Variants in DNER observed in about 807,000 individuals in gnomAD.
DNER encodes the protein delta and Notch-like epidermal growth factor-related receptor.
In DNER, 33 loss-of-function variants were observed where a neutral mutation model predicts 78.2. The ratio of observed to expected loss-of-function variants is 0.42; its 90% CI spans 0.32 to 0.56. The LOEUF is 0.56. Among genes scored for constraint, DNER ranks in the 20% least tolerant of loss-of-function variants. The pLI, the probability that DNER is intolerant of heterozygous loss-of-function variation, is 0.11. For synonymous variants in DNER, 417 were observed against 384.8 expected (o/e 1.08, Z -0.98); for missense variants, 918 against 975.3 (o/e 0.94, Z 0.78).
At chr2:229,640,082 G>T (rs116241756) in intron 1 of DNER, among the ~76,000 whole-genome samples, 9 of 152,178 alleles carry the variant, frequency 5.9e-5, no homozygotes, top group African/African-American at 2.2e-4. Context: ...CAGCTTACAG[G>T]AGTACTTGTC....
chr2:229,483,095 T>C (rs1045117727), intron 6 of DNER, among the ~76,000 whole-genome samples: 4 of 152,184 alleles, frequency 2.6e-5, no homozygotes, highest in Non-Finnish European at 5.9e-5. Context: ...AGTTTCCTGT[T>C]GGATGGCAAT....
intron 1 of DNER, among the ~76,000 whole-genome samples, chr2:229,617,829 G>T (rs1698192059): frequency 6.6e-6 from 1 of 152,020 alleles, no homozygotes; most frequent in Non-Finnish European, 1.5e-5. Context: ...GCACACACCT[G>T]TGGTCCCAGC....
At chr2:229,625,926 TG>T (rs1480220440) in intron 1 of DNER, among the ~76,000 whole-genome samples, 58 of 149,896 alleles carry the variant, frequency 3.9e-4, no homozygotes, top group African/African-American at 1.4e-3. Flanking sequence ...GTTTGTTTTT[TG>T]TTTTTTTTTT....
intron 12 of DNER, among the ~76,000 whole-genome samples, chr2:229,364,154 G>T (rs988942615): frequency 2.6e-5 from 4 of 151,634 alleles, no homozygotes; most frequent in Non-Finnish European, 5.9e-5. Context: ...TGAGCCACAT[G>T]CCTGGCCTCC....
rs1699962924 is a variant in DNER, at chr2:229,714,406, G to A, written c.18C>T (p.Ala6=). MQPRR[A]QAPGAQLLPA... is the part of the protein sequence containing the mutation. ...GCAGCAGCTGCGCACCGGGCGCCTG[G>A]GCGCGGCGGGGCTGCATGGCCGGCC... The change falls in exon 1 of 13, where the codon GCC becomes GCT. Residue 6 remains alanine (A), a synonymous_variant. Coordinates refer to ENST00000341772, the MANE Select transcript of DNER (RefSeq NM_139072.4). 2 of 1,164,568 alleles carry A rather than the reference G, an allele frequency of 1.7e-6. No individual in the cohort carries two copies. The highest frequency in any genetic ancestry group is 1.6e-5 in the African/African-American group (1 of 61,452). 72.1% of individuals were successfully genotyped at this position (1,164,568 alleles called of 1,614,324 possible).
chr2:229,688,114 A>G (rs1699516243), intron 1 of DNER, among the ~76,000 whole-genome samples: 1 of 152,344 alleles, frequency 6.6e-6, no homozygotes, highest in Admixed American at 6.5e-5. Context: ...GAGAAGTACA[A>G]TCGGGGTGTT....
chr2:229,430,948 C>G (rs1444585984), intron 8 of DNER, among the ~76,000 whole-genome samples: 1 of 151,860 alleles, frequency 6.6e-6, no homozygotes, highest in Non-Finnish European at 1.5e-5. Flanking sequence ...AGGGAAAAGA[C>G]TAGACTTATT....
In DNER at chr2:229,517,303, C is replaced by T. The variant is rs77428154; in HGVS notation, c.994-4367G>A. Among the ~76,000 whole-genome samples, 1,036 of 152,078 alleles carry T rather than the reference C, an allele frequency of 6.8e-3. 15 individuals are homozygous for T. The highest frequency in any genetic ancestry group is 0.024 in the African/African-American group (997 of 41,458). On this transcript the variant is annotated intron_variant, in intron 5 of 12. Coordinates refer to ENST00000341772, the MANE Select transcript of DNER (RefSeq NM_139072.4). The stretch of plus-strand genomic sequence containing the variant: ...TCTCCTGGGGTTTATATTCTAGTAG[C>T]GTTGACTGACAATGAATAAAATGAA...
chr2:229,468,402 A>G (rs1694850401), intron 7 of DNER, among the ~76,000 whole-genome samples: 4 of 152,082 alleles, frequency 2.6e-5, no homozygotes, highest in Non-Finnish European at 5.9e-5. Flanking sequence ...ACTATTGTAA[A>G]ACCTAACATC....
At chr2:229,584,027 A>G (rs1233480580) in intron 4 of DNER, among the ~76,000 whole-genome samples, 6 of 152,244 alleles carry the variant, frequency 3.9e-5, no homozygotes, top group Non-Finnish European at 7.3e-5. Flanking sequence ...CATAAAGTGC[A>G]ATATAAATTA....
At chr2:229,415,357 A>C (rs966150785) in intron 9 of DNER, among the ~76,000 whole-genome samples, 2 of 152,190 alleles carry the variant, frequency 1.3e-5, no homozygotes, top group Admixed American at 1.3e-4. Context: ...CAGTCAGTCA[A>C]TACCTGGCTT....
intron 5 of DNER, among the ~76,000 whole-genome samples, chr2:229,532,886 T>G (rs1400699591): frequency 1.3e-5 from 2 of 152,136 alleles, no homozygotes; most frequent in African/African-American, 4.8e-5. Context: ...GGAGAGAAAG[T>G]GCCTTGGGAA....
At chr2:229,507,158 G>A (rs1695761216) in intron 6 of DNER, among the ~76,000 whole-genome samples, 2 of 152,148 alleles carry the variant, frequency 1.3e-5, no homozygotes, top group African/African-American at 4.8e-5. Flanking sequence ...GTAATCTTAT[G>A]GCACATCATT....
intron 11 of DNER, among the ~76,000 whole-genome samples, chr2:229,372,470 G>C (rs1692506736): frequency 6.6e-6 from 1 of 152,218 alleles, no homozygotes; most frequent in South Asian, 2.1e-4. Flanking sequence ...GGAGGGGGGT[G>C]AGGGAGAAGA....
intron 4 of DNER, among the ~76,000 whole-genome samples, chr2:229,566,011 C>T (rs1697099174): frequency 6.6e-6 from 1 of 152,116 alleles, no homozygotes; most frequent in African/African-American, 2.4e-5. Context: ...CATTAATACT[C>T]AATGAATGCC....
chr2:229,496,702 G>A (rs1695510105), intron 6 of DNER, among the ~76,000 whole-genome samples: 1 of 152,092 alleles, frequency 6.6e-6, no homozygotes, highest in East Asian at 1.9e-4. Context: ...TGTAAAAAGA[G>A]GCAAAGATGG....
At chr2:229,526,269 C>T (rs1212218778) in intron 5 of DNER, among the ~76,000 whole-genome samples, 1 of 152,178 alleles carries the variant, frequency 6.6e-6, no homozygotes, top group African/African-American at 2.4e-5. Context: ...CTGCATACGA[C>T]TTTGAATTTA....
chr2:229,520,413 C>T (rs976159139), intron 5 of DNER, among the ~76,000 whole-genome samples: 9 of 152,164 alleles, frequency 5.9e-5, no homozygotes, highest in Non-Finnish European at 1.2e-4. Context: ...CTAAAGGACC[C>T]CCCAGGCCAA....
At chr2:229,642,961 T>C (rs1336354638) in intron 1 of DNER, among the ~76,000 whole-genome samples, 1 of 152,156 alleles carries the variant, frequency 6.6e-6, no homozygotes, top group Admixed American at 6.5e-5. Context: ...CAGTGGCTCA[T>C]GACTGCAGGC....
Sources: allele counts gnomAD v4.1 joint callset (sites outside exome capture counted in the v4.1 genomes callset), GRCh38; gene constraint gnomAD v4.1.1; transcripts MANE v1.5; gene names NCBI Gene and HGNC (gene_info 2026-07-23, HGNC 2026-07-21).